The following PITPNC1 variants were observed in gnomAD, a reference collection of about 807,000 sequenced individuals.
PITPNC1 encodes the protein cytoplasmic phosphatidylinositol transfer protein 1.
A neutral mutation model predicts 44.7 loss-of-function variants in PITPNC1; 18 were observed. The observed-to-expected ratio is 0.40, with a 90% CI of 0.28 to 0.60. The LOEUF is 0.60. Ranked by LOEUF, PITPNC1 falls within the 20% of genes least tolerant of loss-of-function variation. The pLI, the probability that PITPNC1 is intolerant of heterozygous loss-of-function variation, is 0.39. For synonymous variants in PITPNC1, 141 were observed against 149.6 expected (o/e 0.94, Z 0.42); for missense variants, 290 against 418.4 (o/e 0.69, Z 2.68).
chr17:67,502,749 T>TATTGC (rs1568016791), intron 1 of PITPNC1, among the ~76,000 whole-genome samples: 1 of 36,976 alleles, frequency 2.7e-5, no homozygotes, highest in African/African-American at 6.8e-5. Flanking sequence ...CATTGCATTG[T>TATTGC]ATTGTATTGT....
chr17:67,486,920 C>T (rs1335338179), intron 1 of PITPNC1, among the ~76,000 whole-genome samples: 1 of 151,890 alleles, frequency 6.6e-6, no homozygotes, highest in African/African-American at 2.4e-5. Context: ...GTAATCCCAG[C>T]TACTTGGGAG....
intron 6 of PITPNC1, chr17:67,632,569 CT>C (rs1246213208): frequency 0.067 from 9,749 of 146,582 alleles, 498 homozygotes; most frequent in African/African-American, 0.18. Flanking sequence ...TACATGCGCT[CT>C]TTTTTTTTTT....
At chr17:67,399,765 C>T (rs2143818371) in intron 1 of PITPNC1, among the ~76,000 whole-genome samples, 1 of 152,316 alleles carries the variant, frequency 6.6e-6, no homozygotes, top group African/African-American at 2.4e-5. Flanking sequence ...TTTTACTCTA[C>T]CTTTTCATTT....
intron 5 of PITPNC1, among the ~76,000 whole-genome samples, chr17:67,624,350 C>A (rs533891900): frequency 6.6e-6 from 1 of 151,718 alleles, no homozygotes; most frequent in African/African-American, 2.4e-5. Context: ...TAGCTGAGAC[C>A]ACAGATCCAT....
In PITPNC1 at chr17:67,673,023, G is replaced by A. The variant is rs1022523171; in HGVS notation, c.619-2456G>A. 1.1e-4 allele frequency among the ~76,000 whole-genome samples: 16 copies of A among 152,108 alleles called. No homozygotes were observed. In the East Asian group the frequency reaches 3.1e-3, roughly 29 times the overall value. On this transcript the variant is annotated intron_variant, in intron 7 of 8. Transcript: ENST00000581322. ...GTACATTTACTGATGCCTCGATGCT[G>A]TTCTTTTGATTTCCATGAATTTGAG...
chr17:67,670,028 G>A (rs1029601363), intron 7 of PITPNC1, among the ~76,000 whole-genome samples: 8 of 151,808 alleles, frequency 5.3e-5, no homozygotes, highest in Non-Finnish European at 1.0e-4. Flanking sequence ...AACCAAGATC[G>A]TATTATTGCA....
At chr17:67,665,327 A>G (rs2042406873) in intron 6 of PITPNC1, among the ~76,000 whole-genome samples, 1 of 152,212 alleles carries the variant, frequency 6.6e-6, no homozygotes, top group Non-Finnish European at 1.5e-5. Context: ...TCCTGGACTC[A>G]AGTGATCCAC....
At chr17:67,541,145 G>A (rs1466174451) in intron 2 of PITPNC1, among the ~76,000 whole-genome samples, 1 of 152,178 alleles carries the variant, frequency 6.6e-6, no homozygotes, top group Non-Finnish European at 1.5e-5. Context: ...AGCCTGGGAG[G>A]CAGATGTTGC....
chr17:67,394,075 T>C (rs1280449472), intron 1 of PITPNC1, among the ~76,000 whole-genome samples: 1 of 152,096 alleles, frequency 6.6e-6, no homozygotes, highest in Non-Finnish European at 1.5e-5. Flanking sequence ...CCTGACCTCA[T>C]GATCCACCCA....
chr17:67,630,528 A>G (rs1197015576), intron 5 of PITPNC1, among the ~76,000 whole-genome samples: 1 of 152,106 alleles, frequency 6.6e-6, no homozygotes, highest in Non-Finnish European at 1.5e-5. Context: ...CTGGGGCAGA[A>G]GAATGGCTTG....
At chr17:67,655,334 G>A (rs541273962) in intron 6 of PITPNC1, among the ~76,000 whole-genome samples, 16 of 151,704 alleles carry the variant, frequency 1.1e-4, no homozygotes, top group South Asian at 2.1e-4. Flanking sequence ...CAAGATGAGC[G>A]GATCACGAGG....
intron 6 of PITPNC1, among the ~76,000 whole-genome samples, chr17:67,637,236 C>G (rs541839481): frequency 3.9e-5 from 6 of 152,160 alleles, no homozygotes; most frequent in African/African-American, 1.4e-4. Context: ...CAACCGCTAT[C>G]AAAGAAAATG....
At chr17:67,398,446 A>C (rs1006417937) in intron 1 of PITPNC1, among the ~76,000 whole-genome samples, 1 of 152,060 alleles carries the variant, frequency 6.6e-6, no homozygotes, top group Non-Finnish European at 1.5e-5. Context: ...ATGGCGGAGG[A>C]GGCAAAACTC....
At chr17:67,501,171 A>G (rs1224477038) in intron 1 of PITPNC1, among the ~76,000 whole-genome samples, 2 of 152,238 alleles carry the variant, frequency 1.3e-5, no homozygotes, top group Non-Finnish European at 2.9e-5. Flanking sequence ...CAATGCCACA[A>G]TCCACAGGCC....
Position 67,624,109 on chromosome 17 carries a change from C to T in PITPNC1, c.367-8034C>T, listed in dbSNP as rs2041865941. ...AGTAGGATATTTAAACTGTTTTCTT[C>T]CTTTTTCAATCTTATTTTTCTTGAC... On this transcript the variant is annotated intron_variant, in intron 5 of 8. Transcript: ENST00000581322. Among the ~76,000 whole-genome samples the T allele has an allele frequency of 2.0e-5, 3 of 151,974 alleles. No individual in the cohort carries two copies. The South Asian group carries it at 6.2e-4, about 32-fold the overall frequency.
At chr17:67,609,394 A>T (rs960728539) in intron 5 of PITPNC1, among the ~76,000 whole-genome samples, 36 of 148,246 alleles carry the variant, frequency 2.4e-4, no homozygotes, top group African/African-American at 8.8e-4. Flanking sequence ...GGTTCAAGTG[A>T]TTCTCCTGCC....
chr17:67,558,890 C>T (rs566335608), intron 4 of PITPNC1, among the ~76,000 whole-genome samples: 1 of 152,270 alleles, frequency 6.6e-6, no homozygotes, highest in South Asian at 2.1e-4. Flanking sequence ...AGAGATTACT[C>T]AGGGCTGGTT....
intron 1 of PITPNC1, among the ~76,000 whole-genome samples, chr17:67,467,104 G>C (rs1249156876): frequency 7.1e-6 from 1 of 140,670 alleles, no homozygotes; most frequent in Non-Finnish European, 1.5e-5. Flanking sequence ...TGTCACCCAG[G>C]CTGGAGTGCA....
chr17:67,541,616 A>G (rs1467071081), intron 2 of PITPNC1, among the ~76,000 whole-genome samples: 2 of 152,250 alleles, frequency 1.3e-5, no homozygotes, highest in East Asian at 1.9e-4. Context: ...TCCACTAGTC[A>G]GAACATACTT....
Sources: gnomAD v4.1 joint callset for allele counts (sites outside exome capture counted in the v4.1 genomes callset) on GRCh38, gnomAD v4.1.1 for gene constraint, MANE v1.5 for transcripts, NCBI Gene and HGNC (gene_info 2026-07-23, HGNC 2026-07-21) for gene names.